Variants in TTLL1 observed in about 807,000 individuals in gnomAD.
The protein encoded by TTLL1 is polyglutamylase complex subunit TTLL1.
A neutral mutation model predicts 47.8 loss-of-function variants in TTLL1; 33 were observed. That is an observed-to-expected ratio of 0.69 (90% CI 0.52 to 0.92). The LOEUF is 0.92. Among genes scored for constraint, TTLL1 ranks in the 40% least tolerant of loss-of-function variants. The pLI is 0.00. For synonymous variants in TTLL1, 225 were observed against 214.1 expected, an observed-to-expected ratio of 1.05 and a Z score of -0.45; for missense variants, 488 against 547.5, an observed-to-expected ratio of 0.89 and a Z score of 1.08.
chr22:43,059,512 T>TGTG lies in TTLL1; in HGVS notation c.760_762dup (p.His254dup). On this transcript the variant is annotated inframe_insertion, in exon 8 of 11. Coordinates refer to ENST00000266254, the MANE Select transcript of TTLL1 (RefSeq NM_012263.5). ...CTCACTGTCCACTTGCCCCCATGGA[T>TGTG]GTGGTTGTAGTCCTCCTGGTGACGG... 6.2e-7 allele frequency: 1 copy of TGTG among 1,613,474 alleles called. No homozygotes were observed. Among genetic ancestry groups the TGTG allele is most frequent in the Non-Finnish European group, 8.5e-7 (1 of 1,179,742 alleles).
chr22:43,057,444 T>C (rs1927093581), intron 8 of TTLL1, among the ~76,000 whole-genome samples: 1 of 152,166 alleles, frequency 6.6e-6, no homozygotes, highest in Admixed American at 6.5e-5. Flanking sequence ...AGGGAAGCTC[T>C]TTCTCACAGC....
At chr22:43,074,569 A>G (rs973258094) in intron 3 of TTLL1, among the ~76,000 whole-genome samples, 1 of 152,108 alleles carries the variant, frequency 6.6e-6, no homozygotes, top group South Asian at 2.1e-4. Flanking sequence ...GGCTGGGTAC[A>G]GTGGCTCACG....
At chr22:43,062,358 G>A (rs2146973913) in intron 7 of TTLL1, among the ~76,000 whole-genome samples, 1 of 151,970 alleles carries the variant, frequency 6.6e-6, no homozygotes, top group Non-Finnish European at 1.5e-5. Flanking sequence ...GGGCGTGGTG[G>A]CGCACGCCTG....
chr22:43,075,476 G>A lies in TTLL1; in HGVS notation c.111C>T (p.Tyr37=). 6.2e-7 allele frequency: 1 copy of A among 1,613,756 alleles called. No homozygotes were observed. The highest frequency in any genetic ancestry group is 8.5e-7 in the Non-Finnish European group (1 of 1,179,646). ...QVTENEDWNF[Y]WMSVQTIRNV... ...CCAGCCCTGCTGTGTATGCTTACCA[G>A]TAAAAATTCCAGTCCTCGTTTTCTG... The change falls in exon 3 of 11, where the codon TAC becomes TAT. Residue 37 remains tyrosine (Y), a splice_region_variant and synonymous_variant. Coordinates refer to ENST00000266254, the MANE Select transcript of TTLL1 (RefSeq NM_012263.5).
chr22:43,069,555 G>C, intron 4 of TTLL1, 81 bp downstream of exon 4: 1 of 1,587,310 alleles, frequency 6.3e-7, no homozygotes, highest in East Asian at 2.2e-5. Context: ...AAAGCCAACA[G>C]TCACCACCTC....
intron 3 of TTLL1, among the ~76,000 whole-genome samples, chr22:43,075,035 G>T: frequency 6.6e-6 from 1 of 151,960 alleles, no homozygotes; most frequent in Non-Finnish European, 1.5e-5. Context: ...CAGGTGTGGT[G>T]GCGCCTGTAA....
At chr22:43,051,462 G>C (rs1430256212) in intron 9 of TTLL1, among the ~76,000 whole-genome samples, 1 of 152,168 alleles carries the variant, frequency 6.6e-6, no homozygotes, top group Admixed American at 6.5e-5. Context: ...TCCTAGATGG[G>C]AACACTGTCA....
At chr22:43,071,397 T>C (rs1322905119) in intron 3 of TTLL1, among the ~76,000 whole-genome samples, 1 of 151,444 alleles carries the variant, frequency 6.6e-6, no homozygotes, top group Non-Finnish European at 1.5e-5. Context: ...ACTTTTGTTT[T>C]GTTTTGTTTT....
intron 1 of TTLL1, among the ~76,000 whole-genome samples, chr22:43,084,466 C>T (rs1053679703): frequency 2.6e-5 from 4 of 151,092 alleles, no homozygotes; most frequent in Non-Finnish European, 5.9e-5. Context: ...CACCTTTTTC[C>T]TTCTTTCTTT....
At chr22:43,073,364 T>TTTAA (rs1555964073) in intron 3 of TTLL1, among the ~76,000 whole-genome samples, 11 of 133,354 alleles carry the variant, frequency 8.2e-5, no homozygotes, top group African/African-American at 3.0e-4. Context: ...TATTTATTTA[T>TTTAA]TTTATTTTTT....
intron 8 of TTLL1, among the ~76,000 whole-genome samples, chr22:43,055,072 G>A (rs1926911230): frequency 6.6e-6 from 1 of 151,406 alleles, no homozygotes; most frequent in Non-Finnish European, 1.5e-5. Flanking sequence ...CACCCAGGCT[G>A]GGGTGCAGTG....
At chr22:43,085,875 C>T (rs1929197207) in intron 1 of TTLL1, among the ~76,000 whole-genome samples, 1 of 152,184 alleles carries the variant, frequency 6.6e-6, no homozygotes, top group African/African-American at 2.4e-5. Flanking sequence ...TCCTGCGGGG[C>T]AGCAGAGTGG....
At chr22:43,087,811 G>GA (rs1350890395) in intron 1 of TTLL1, among the ~76,000 whole-genome samples, 1 of 136,350 alleles carries the variant, frequency 7.3e-6, no homozygotes, top group African/African-American at 2.9e-5. Context: ...GCACACTCCA[G>GA]CCTGGGTGAC....
rs371640257 is a variant in TTLL1, at chr22:43,059,284, G to T, written c.891+100C>A. On this transcript the variant is annotated intron_variant, in intron 8 of 10. Coordinates refer to ENST00000266254, the MANE Select transcript of TTLL1 (RefSeq NM_012263.5). ...GCTGGGATTACAGGCGTGAGCCGCC[G>T]CGCACAGCTGAAAACAGGGATTTTT... 94 of 1,493,054 alleles carry T rather than the reference G, an allele frequency of 6.3e-5. 1 individual carries two copies. In the South Asian group the frequency reaches 1.2e-3, roughly 19 times the overall value. The allele number at this position is 1,493,054 out of a possible 1,614,324, so 92.5% of individuals were successfully genotyped here.
chr22:43,063,701 G>T, intron 7 of TTLL1, 112 bp downstream of exon 7: 1 of 895,920 alleles, frequency 1.1e-6, no homozygotes, highest in South Asian at 1.5e-5. Context: ...CCTGACCTCA[G>T]GTGATCCACC....
chr22:43,041,321 A>T (rs1432036252), intron 10 of TTLL1: 7 of 152,180 alleles, frequency 4.6e-5, no homozygotes, highest in South Asian at 2.1e-4. Context: ...TGTGTCAAAC[A>T]CAAAAGGTAC....
chr22:43,057,587 C>T (rs963628580), intron 8 of TTLL1, among the ~76,000 whole-genome samples: 3 of 152,058 alleles, frequency 2.0e-5, no homozygotes, highest in Non-Finnish European at 4.4e-5. Context: ...AGTATCCCAC[C>T]ACACACACAC....
intron 1 of TTLL1, among the ~76,000 whole-genome samples, chr22:43,080,375 A>C (rs1349863127): frequency 6.6e-6 from 1 of 152,066 alleles, no homozygotes; most frequent in Non-Finnish European, 1.5e-5. Context: ...TTTTAAGAAT[A>C]CTATGACAAA....
intron 2 of TTLL1, among the ~76,000 whole-genome samples, chr22:43,077,280 G>A (rs1432542710): frequency 1.3e-5 from 2 of 152,036 alleles, no homozygotes; most frequent in African/African-American, 4.8e-5. Flanking sequence ...TCTCTCTCCT[G>A]CCACAGGCCT....
Sources: gnomAD v4.1 joint callset for allele counts (sites outside exome capture counted in the v4.1 genomes callset) on GRCh38, gnomAD v4.1.1 for gene constraint, MANE v1.5 for transcripts, NCBI Gene and HGNC (gene_info 2026-07-23, HGNC 2026-07-21) for gene names.